LRRTM4: variants seen among roughly 807,000 people sequenced by gnomAD.
LRRTM4 encodes the protein leucine rich repeat transmembrane neuronal 4, also known as leucine-rich repeat transmembrane neuronal protein 4.
Under a neutral mutation model 47.6 loss-of-function variants are expected in LRRTM4, and 25 were observed. The ratio of observed to expected loss-of-function variants is 0.53; its 90% CI spans 0.38 to 0.73. LRRTM4 has a LOEUF of 0.73. Ranked by LOEUF, LRRTM4 falls within the 30% of genes least tolerant of loss-of-function variation. The pLI is 0.00. For synonymous variants in LRRTM4, 311 were observed against 269.5 expected (o/e 1.15, Z -1.51); for missense variants, 638 against 713.4 (o/e 0.89, Z 1.20).
intron 3 of LRRTM4, among the ~76,000 whole-genome samples, chr2:77,285,859 T>A (rs1450945362): frequency 6.6e-6 from 1 of 152,138 alleles, no homozygotes; most frequent in Non-Finnish European, 1.5e-5. Flanking sequence ...ATCTTCACAA[T>A]GTTGGATAGG....
intron 3 of LRRTM4, among the ~76,000 whole-genome samples, chr2:77,054,886 C>A (rs1172529838): frequency 6.6e-6 from 1 of 152,196 alleles, no homozygotes; most frequent in Non-Finnish European, 1.5e-5. Context: ...TTTGACCAAT[C>A]TATCATTTCA....
rs1198922898 is a variant in LRRTM4, at chr2:77,096,144, CATTTTTTAATTAAAAATTAATAAATTA to C, written c.1552-347255_1552-347229del. On this transcript the variant is annotated intron_variant, in intron 3 of 3. Transcript: ENST00000409884. ...TCATATTATACCCCATAAATATAATCATTTTTTAATTAAAAATTAATAAATTAATTTTTTAAAGATAGTGACTAAAAA... is the reference window on the plus strand; with the variant it reads ...TCATATTATACCCCATAAATATAATCATTTTTTAAAGATAGTGACTAAAAA... Among the ~76,000 whole-genome samples the C allele has an allele frequency of 2.6e-5, 4 of 151,782 alleles. No individual in the cohort carries two copies. In the East Asian group the frequency reaches 7.7e-4, roughly 29 times the overall value.
At chr2:76,859,136 C>T (rs1257402114) in intron 3 of LRRTM4, among the ~76,000 whole-genome samples, 7 of 152,184 alleles carry the variant, frequency 4.6e-5, no homozygotes, top group Non-Finnish European at 8.8e-5. Context: ...ATAAAAATAC[C>T]ATAAAGTAGA....
At chr2:77,263,339 C>T (rs184224753) in intron 3 of LRRTM4, among the ~76,000 whole-genome samples, 2 of 152,212 alleles carry the variant, frequency 1.3e-5, no homozygotes, top group African/African-American at 4.8e-5. Flanking sequence ...GTTTTGAGTT[C>T]TGCAAGCCAC....
intron 3 of LRRTM4, among the ~76,000 whole-genome samples, chr2:77,218,613 T>G (rs7563825): frequency 6.6e-6 from 1 of 152,108 alleles, no homozygotes; most frequent in Non-Finnish European, 1.5e-5. Flanking sequence ...AGTTTCAAAG[T>G]TGAGAAAGAG....
intron 3 of LRRTM4, among the ~76,000 whole-genome samples, chr2:77,342,239 G>A (rs1573282367): frequency 1.3e-5 from 2 of 151,922 alleles, no homozygotes; most frequent in Admixed American, 6.6e-5. Flanking sequence ...AATAGTATAC[G>A]TCAGTGGTTT....
intron 3 of LRRTM4, among the ~76,000 whole-genome samples, chr2:76,984,694 G>A (rs538422972): frequency 6.6e-6 from 1 of 152,104 alleles, no homozygotes; most frequent in East Asian, 1.9e-4. Flanking sequence ...TGAAACACTG[G>A]AGATATGATG....
chr2:77,418,384 TA>T (rs925851429), intron 3 of LRRTM4, among the ~76,000 whole-genome samples: 1 of 152,228 alleles, frequency 6.6e-6, no homozygotes, highest in Non-Finnish European at 1.5e-5. Context: ...TATGTTTGTA[TA>T]TCAAAGATAC....
chr2:77,349,873 C>G (rs868574847), intron 3 of LRRTM4, among the ~76,000 whole-genome samples: 76 of 152,164 alleles, frequency 5.0e-4, no homozygotes, highest in African/African-American at 1.8e-3. Flanking sequence ...AGCTAGTTAG[C>G]TAGCTAGGAG....
At chr2:77,280,386 C>T (rs1235150725) in intron 3 of LRRTM4, among the ~76,000 whole-genome samples, 1 of 151,942 alleles carries the variant, frequency 6.6e-6, no homozygotes, top group Non-Finnish European at 1.5e-5. Context: ...TTGTTTTAAG[C>T]CATTGAGTTT....
At chr2:77,141,622 A>G (rs988748562) in intron 3 of LRRTM4, among the ~76,000 whole-genome samples, 2 of 152,208 alleles carry the variant, frequency 1.3e-5, no homozygotes, top group African/African-American at 4.8e-5. Flanking sequence ...AAGTATTAAA[A>G]AAATGGTTTA....
At chr2:77,443,438 A>G (rs72921949) in intron 3 of LRRTM4, among the ~76,000 whole-genome samples, 7,212 of 152,168 alleles carry the variant, frequency 0.047, 538 homozygotes, top group African/African-American at 0.16. Context: ...ATTTTAGTTT[A>G]CTTTGAAAAT....
intron 3 of LRRTM4, among the ~76,000 whole-genome samples, chr2:77,418,834 C>G (rs1044469288): frequency 6.6e-6 from 1 of 152,132 alleles, no homozygotes; most frequent in Non-Finnish European, 1.5e-5. Flanking sequence ...TTAAACCAAG[C>G]CACATCTGTG....
rs376984297 is a variant in LRRTM4 at position 77,129,408 on chromosome 2, A to G, written c.1552-380492T>C. On this transcript the variant is annotated intron_variant, in intron 3 of 3. Coordinates refer to ENST00000409884, the MANE Select transcript of LRRTM4 (RefSeq NM_001134745.3). Reference sequence around the variant, plus strand: ...CTCCAAAAAGTTCTACTAATATTACACTTTGGAGGTTCATATTCATTAGAG... The same window carrying G: ...CTCCAAAAAGTTCTACTAATATTACGCTTTGGAGGTTCATATTCATTAGAG... Among the ~76,000 whole-genome samples, 16 of 152,264 alleles carry G rather than the reference A, an allele frequency of 1.1e-4. No homozygotes were observed. The East Asian group carries it at 1.9e-3, about 18-fold the overall frequency.
At chr2:76,781,821 CT>C (rs1247290866) in intron 3 of LRRTM4, among the ~76,000 whole-genome samples, 2 of 152,106 alleles carry the variant, frequency 1.3e-5, no homozygotes, top group African/African-American at 4.8e-5. Flanking sequence ...GAAGAGGACA[CT>C]TTTTTATCTG....
chr2:76,807,879 C>A (rs1670583663), intron 3 of LRRTM4, among the ~76,000 whole-genome samples: 1 of 151,606 alleles, frequency 6.6e-6, no homozygotes, highest in African/African-American at 2.4e-5. Flanking sequence ...CCGCACCCGG[C>A]CTATTTTCTT....
chr2:77,338,983 G>A (rs1405619597), intron 3 of LRRTM4, among the ~76,000 whole-genome samples: 1 of 151,926 alleles, frequency 6.6e-6, no homozygotes, highest in Non-Finnish European at 1.5e-5. Flanking sequence ...ATAATCTTAA[G>A]TTAATTAATG....
chr2:76,849,212 A>G (rs1436576992), intron 3 of LRRTM4, among the ~76,000 whole-genome samples: 5 of 152,086 alleles, frequency 3.3e-5, no homozygotes, highest in South Asian at 2.1e-4. Flanking sequence ...AGAAAAGAAA[A>G]GTAGGTTGAG....
At position 76,835,565 on chromosome 2, in the gene LRRTM4, C is replaced by CA. The variant is rs199780022; in HGVS notation, c.1552-86650dup. 3.0e-4 allele frequency among the ~76,000 whole-genome samples: 45 copies of CA among 151,944 alleles called. 1 individual carries two copies. Among genetic ancestry groups the CA allele is most frequent in the Admixed American group, 2.6e-3 (40 of 15,210 alleles). ...TATATTCAGCTTTGATCATTTGAAG[C>CA]AAAATAAATGCTCTGATCATAAGTA... On this transcript the variant is annotated intron_variant, in intron 3 of 3. Transcript: ENST00000409884.
Sources: allele counts gnomAD v4.1 joint callset (sites outside exome capture counted in the v4.1 genomes callset), GRCh38; gene constraint gnomAD v4.1.1; transcripts MANE v1.5; gene names NCBI Gene and HGNC (gene_info 2026-07-23, HGNC 2026-07-21).